The following NTRK3 variants were observed in gnomAD, a reference collection of about 807,000 sequenced individuals.
NTRK3 encodes the protein NT-3 growth factor receptor.
A neutral mutation model predicts 91.7 loss-of-function variants in NTRK3; 24 were observed. The observed-to-expected ratio is 0.26, with a 90% CI of 0.19 to 0.37. The LOEUF (loss-of-function observed/expected upper bound fraction) is 0.37. NTRK3 is among the 10% of genes least tolerant of loss of function. The pLI is 1.00. For missense variants in NTRK3, 880 were observed against 1,068.9 expected (o/e 0.82, Z 2.46); for synonymous variants, 483 against 404.0 (o/e 1.20, Z -2.34).
intron 13 of NTRK3, among the ~76,000 whole-genome samples, chr15:88,047,199 C>A (rs1441701053): frequency 6.6e-6 from 1 of 152,182 alleles, no homozygotes; most frequent in Non-Finnish European, 1.5e-5. Flanking sequence ...ACTAGTAGCA[C>A]GTGGCTGCTC....
At chr15:88,220,437 G>A (rs1010539792) in intron 3 of NTRK3, among the ~76,000 whole-genome samples, 1 of 152,184 alleles carries the variant, frequency 6.6e-6, no homozygotes, top group Non-Finnish European at 1.5e-5. Context: ...GGGCTTGCAG[G>A]TACAGATGGG....
At chr15:88,145,713 T>C (rs1323267020) in intron 6 of NTRK3, among the ~76,000 whole-genome samples, 5 of 152,190 alleles carry the variant, frequency 3.3e-5, no homozygotes, top group African/African-American at 1.2e-4. Context: ...CTATGTCCCC[T>C]GGAGAGATGC....
At chr15:87,992,899 A>C (rs556053681) in intron 14 of NTRK3, among the ~76,000 whole-genome samples, 10 of 152,320 alleles carry the variant, frequency 6.6e-5, no homozygotes, top group African/African-American at 2.4e-4. Flanking sequence ...GATTTCAGAC[A>C]ATTGAAGTCT....
rs1414542949 is a variant in NTRK3 at position 88,237,445 on chromosome 15, A to C, written c.248+18461T>G. ...GCCCGTTGTCATTGTGTGGGGGTGG[A>C]GGGATGCCTAACATGGTTACTGACA... is the stretch of plus-strand genomic sequence containing the variant. On this transcript the variant is annotated intron_variant, in intron 3 of 18. Transcript: ENST00000394480. The surrounding 1 kb of genome is among the most constrained non-coding windows in gnomAD (Gnocchi z 4.0). 6.6e-6 allele frequency among the ~76,000 whole-genome samples: 1 copy of C among 152,204 alleles called. No individual in the cohort carries two copies. The highest frequency in any genetic ancestry group is 1.5e-5 in the Non-Finnish European group (1 of 68,034).
intron 17 of NTRK3, among the ~76,000 whole-genome samples, chr15:87,883,700 A>C (rs1324610479): frequency 6.6e-6 from 1 of 151,244 alleles, no homozygotes; most frequent in South Asian, 2.1e-4. Context: ...CAAGATAAAA[A>C]ATAAATATGA....
At chr15:88,256,425 G>C in exon 2 of NTRK3, 1 of 546,136 alleles carries the variant, frequency 1.8e-6, no homozygotes, top group Non-Finnish European at 3.2e-6. Context: ...GGCCGGCTCG[G>C]CGATCGCTGA....
intron 14 of NTRK3, among the ~76,000 whole-genome samples, chr15:87,965,339 G>A (rs951170998): frequency 6.6e-6 from 1 of 152,098 alleles, no homozygotes; most frequent in African/African-American, 2.4e-5. Flanking sequence ...ATTTCTCCAG[G>A]GTCTTTACCT....
At chr15:87,893,798 C>T (rs935927714) in intron 17 of NTRK3, among the ~76,000 whole-genome samples, 4 of 152,222 alleles carry the variant, frequency 2.6e-5, no homozygotes, top group Non-Finnish European at 4.4e-5. Context: ...ATAAAGAAAC[C>T]GAGACCCAGC....
At chr15:88,140,210 T>C (rs1037697398) in intron 6 of NTRK3, among the ~76,000 whole-genome samples, 6 of 152,094 alleles carry the variant, frequency 3.9e-5, no homozygotes, top group Admixed American at 3.9e-4. Flanking sequence ...AATCCAACAA[T>C]AGTGTATAGG....
At chr15:88,031,669 A>G (rs929757577) in intron 14 of NTRK3, among the ~76,000 whole-genome samples, 1 of 152,248 alleles carries the variant, frequency 6.6e-6, no homozygotes, top group African/African-American at 2.4e-5. Flanking sequence ...ATGCTGACTC[A>G]AGCCCACTCC....
At chr15:87,904,728 GA>G (rs1426301890) in intron 17 of NTRK3, among the ~76,000 whole-genome samples, 4 of 152,278 alleles carry the variant, frequency 2.6e-5, no homozygotes, top group African/African-American at 7.2e-5. Context: ...TATGTAACCA[GA>G]AAAAGAATGA....
chr15:88,192,716 C>T (rs369634159), intron 3 of NTRK3, among the ~76,000 whole-genome samples: 2 of 152,296 alleles, frequency 1.3e-5, no homozygotes, highest in Admixed American at 6.5e-5. Flanking sequence ...TCCAGTCACA[C>T]TGTCCTGCTT....
At chr15:87,997,476 G>A (rs999323565) in intron 14 of NTRK3, among the ~76,000 whole-genome samples, 1 of 152,058 alleles carries the variant, frequency 6.6e-6, no homozygotes, top group African/African-American at 2.4e-5. Flanking sequence ...TCTCCCGCTT[G>A]TTATTCCACT....
At chr15:88,205,383 C>T (rs2048655566) in intron 3 of NTRK3, among the ~76,000 whole-genome samples, 1 of 152,168 alleles carries the variant, frequency 6.6e-6, no homozygotes, top group African/African-American at 2.4e-5. Flanking sequence ...CCAGCCAGGC[C>T]TTTGAGGCCT....
exon 10 of NTRK3, chr15:88,135,358 C>G (rs201426743): frequency 6.2e-7 from 1 of 1,614,130 alleles, no homozygotes; most frequent in Non-Finnish European, 8.5e-7. Context: ...GTGCTCCAGG[C>G]GCAGCTCAGG....
chr15:88,003,642 C>T lies in NTRK3; in HGVS notation c.1585+29215G>A, dbSNP rs143156381. 4.0e-3 allele frequency among the ~76,000 whole-genome samples: 604 copies of T among 152,228 alleles called. 11 individuals are homozygous for T. The highest frequency in any genetic ancestry group is 5.8e-3 in the Non-Finnish European group (392 of 68,016). On this transcript the variant is annotated intron_variant, in intron 14 of 18. Coordinates refer to ENST00000394480, the Ensembl canonical transcript of NTRK3. ...CACAGCTAACTACTACAATGCACTG[C>T]TCCGCTGAGAAGAAAGAGGACTGTG...
chr15:88,100,848 C>T (rs2050101794), intron 13 of NTRK3, among the ~76,000 whole-genome samples: 1 of 152,132 alleles, frequency 6.6e-6, no homozygotes, highest in South Asian at 2.1e-4. Context: ...TTCCTTACAC[C>T]TTATACAAAA....
chr15:88,202,141 C>T (rs1443587995), intron 3 of NTRK3, among the ~76,000 whole-genome samples: 2 of 152,182 alleles, frequency 1.3e-5, no homozygotes, highest in Non-Finnish European at 2.9e-5. Flanking sequence ...CTGGCCAAAA[C>T]CTGCAGGAGC....
chr15:87,910,135 G>A (rs1341158543), intron 17 of NTRK3, among the ~76,000 whole-genome samples: 1 of 152,182 alleles, frequency 6.6e-6, no homozygotes, highest in Non-Finnish European at 1.5e-5. Context: ...GACCCAGTAG[G>A]CCAGGGCAAG....
Sources: gnomAD v4.1 joint callset for allele counts (sites outside exome capture counted in the v4.1 genomes callset) on GRCh38, gnomAD v4.1.1 for gene constraint, Gnocchi (gnomAD v3.1) non-coding constraint, MANE v1.5 for transcripts, NCBI Gene and HGNC (gene_info 2026-07-23, HGNC 2026-07-21) for gene names.